KAZN: variants seen among roughly 807,000 people sequenced by gnomAD.
KAZN encodes kazrin.
Under a neutral mutation model 87.4 loss-of-function variants are expected in KAZN, and 40 were observed. The observed-to-expected ratio is 0.46, with a 90% CI of 0.36 to 0.60. The LOEUF (loss-of-function observed/expected upper bound fraction) is 0.60. Among genes scored for constraint, KAZN ranks in the 20% least tolerant of loss-of-function variants. The pLI is 0.00. For synonymous variants in KAZN, 466 were observed against 458.3 expected (o/e 1.02, Z -0.22); for missense variants, 898 against 1,073.9 (o/e 0.84, Z 2.29).
chr1:14,583,123 T>C (rs1368504000), intron 2 of KAZN, among the ~76,000 whole-genome samples: 9 of 152,216 alleles, frequency 5.9e-5, no homozygotes, highest in Admixed American at 5.9e-4. Context: ...TTATTGTCAT[T>C]CCGCAGATGA....
In KAZN at chr1:15,099,050, A is replaced by G. The variant is rs896976760; in HGVS notation, c.1548-2493A>G. 7.2e-5 allele frequency among the ~76,000 whole-genome samples: 11 copies of G among 152,184 alleles called. No individual in the cohort carries two copies. The highest frequency in any genetic ancestry group is 2.4e-4 in the African/African-American group (10 of 41,456). ...AGAAGGGCTCCTGACCCAGCATGAC[A>G]TCTTGGAAGGCTTCCGGGAGACCAG... On this transcript the variant is annotated intron_variant, in intron 10 of 14. Coordinates refer to ENST00000376030, the MANE Select transcript of KAZN (RefSeq NM_201628.3). This position sits in a 1 kb window ranked among gnomAD's most constrained non-coding sequence, Gnocchi z 5.4.
chr1:14,117,263 G>A (rs1644644338), intron 1 of KAZN, among the ~76,000 whole-genome samples: 1 of 152,146 alleles, frequency 6.6e-6, no homozygotes, highest in South Asian at 2.1e-4. Flanking sequence ...CTCATGTATT[G>A]TGGGAAGGAT....
chr1:14,661,615 C>T (rs1215056611), intron 1 of KAZN, among the ~76,000 whole-genome samples: 1 of 145,344 alleles, frequency 6.9e-6, no homozygotes, highest in Non-Finnish European at 1.5e-5. Context: ...AGTTTCTGGC[C>T]AGGCTCTAGC....
intron 1 of KAZN, among the ~76,000 whole-genome samples, chr1:14,902,389 C>A (rs1656030547): frequency 6.6e-6 from 1 of 152,066 alleles, no homozygotes; most frequent in Admixed American, 6.6e-5. Context: ...CCACACCCGG[C>A]TAATTTTTTT....
At chr1:14,937,533 G>A (rs1248799765) in intron 1 of KAZN, among the ~76,000 whole-genome samples, 1 of 152,200 alleles carries the variant, frequency 6.6e-6, no homozygotes, top group Admixed American at 6.5e-5. Flanking sequence ...AGGTCAGCTT[G>A]TAGGAGGACC....
At position 14,601,325 on chromosome 1, in the gene KAZN, G is replaced by A. The variant is rs140049084; in HGVS notation, c.226+2102G>A. ...GTCTAAACTGATATGCATTTCAACA[G>A]ATGTGATGGTTGAAAAGAAAACAAG... On this transcript the variant is annotated intron_variant, in intron 1 of 14. Coordinates refer to ENST00000376030, the MANE Select transcript of KAZN (RefSeq NM_201628.3). 3.6e-3 allele frequency among the ~76,000 whole-genome samples: 546 copies of A among 152,308 alleles called. 3 individuals carry two copies. The highest frequency in any genetic ancestry group is 0.012 in the African/African-American group (501 of 41,570).
intron 1 of KAZN, among the ~76,000 whole-genome samples, chr1:14,156,780 T>C (rs1645602401): frequency 1.3e-5 from 2 of 152,186 alleles, no homozygotes; most frequent in Admixed American, 1.3e-4. Flanking sequence ...TCTTGTTTTT[T>C]AGGCCATTCA....
chr1:14,532,026 T>C (rs1672232959), intron 2 of KAZN, among the ~76,000 whole-genome samples: 1 of 152,138 alleles, frequency 6.6e-6, no homozygotes, highest in Non-Finnish European at 1.5e-5. Context: ...CACGTGCTCT[T>C]TTTTCATAGA....
rs16853792 is a variant in KAZN, at chr1:14,208,386, A to G, written c.249+27794A>G. The stretch of plus-strand genomic sequence containing the variant: ...CAAGGTAGTTTGCACAATGCTAAAT[A>G]TTAACTCTCATTCATTGACTCATTC... On this transcript the variant is annotated intron_variant, in intron 2 of 16. Transcript: ENST00000636203. Among the ~76,000 whole-genome samples the G allele has an allele frequency of 9.8e-3, 1,499 of 152,354 alleles. 24 individuals carry two copies. Among genetic ancestry groups the G allele is most frequent in the African/African-American group, 0.034 (1,408 of 41,586 alleles).
At chr1:14,589,405 C>T (rs985637707) in intron 2 of KAZN, among the ~76,000 whole-genome samples, 11 of 151,798 alleles carry the variant, frequency 7.2e-5, no homozygotes, top group African/African-American at 2.7e-4. Context: ...TGGCTATAGA[C>T]ACAGCATCCT....
chr1:14,164,514 T>C (rs2884843), intron 1 of KAZN, among the ~76,000 whole-genome samples: 54,343 of 142,902 alleles, frequency 0.38, 10,649 homozygotes, highest in South Asian at 0.41. Context: ...GATACTCCAT[T>C]TCTGCAATGT....
intron 2 of KAZN, among the ~76,000 whole-genome samples, chr1:14,210,701 GTTTA>G (rs972392816): frequency 4.6e-5 from 7 of 151,912 alleles, no homozygotes; most frequent in Non-Finnish European, 7.4e-5. Context: ...TTTTTGAAAT[GTTTA>G]TTTATTTTAA....
rs1306156708 is a variant in KAZN, at chr1:15,111,332, G to A, written c.2049-1095G>A. On this transcript the variant is annotated intron_variant, in intron 13 of 14. Coordinates refer to ENST00000376030, the MANE Select transcript of KAZN (RefSeq NM_201628.3). ...GTCTTGTGCTGGAGTGCAGTGGTAC[G>A]ATCTCGGCTCACTGCAACCTCCACC... 3.3e-5 allele frequency among the ~76,000 whole-genome samples: 5 copies of A among 151,588 alleles called. No individual in the cohort carries two copies. The East Asian group carries it at 5.8e-4, about 18-fold the overall frequency.
chr1:14,778,209 C>T (rs1645233896), intron 1 of KAZN, among the ~76,000 whole-genome samples: 1 of 152,064 alleles, frequency 6.6e-6, no homozygotes, highest in African/African-American at 2.4e-5. Flanking sequence ...AGGCTGTCTC[C>T]ATCAAAAGTG....
At position 15,066,155 on chromosome 1, in the gene KAZN, G is replaced by GT; in HGVS notation, c.1222+409dup. ...GGTTCGTCGGTTTGTTTTTGTTTTTGTTTTTTTCCCCCTTTCTCCTCCCCT... is the reference window on the plus strand; with the variant it reads ...GGTTCGTCGGTTTGTTTTTGTTTTTGTTTTTTTTCCCCCTTTCTCCTCCCCT... On this transcript the variant is annotated intron_variant, in intron 8 of 14. Coordinates refer to ENST00000376030, the MANE Select transcript of KAZN (RefSeq NM_201628.3). The surrounding 1 kb of genome is among the most constrained non-coding windows in gnomAD (Gnocchi z 4.3). 1 of 1,032,302 alleles carries GT rather than the reference G, an allele frequency of 9.7e-7. No homozygotes were observed. 63.9% of individuals were successfully genotyped at this position (1,032,302 alleles called of 1,614,324 possible). A position where few individuals can be genotyped will look rare whatever the true frequency, so the allele number is the denominator to read the frequency against.
intron 1 of KAZN, among the ~76,000 whole-genome samples, chr1:14,109,113 A>G (rs912657968): frequency 8.5e-5 from 13 of 152,184 alleles, no homozygotes; most frequent in Admixed American, 7.9e-4. Flanking sequence ...ACACCGCATG[A>G]CAGAGAGGTA....
chr1:14,851,624 C>T (rs1649454824), intron 1 of KAZN, among the ~76,000 whole-genome samples: 1 of 152,204 alleles, frequency 6.6e-6, no homozygotes, highest in Non-Finnish European at 1.5e-5. Flanking sequence ...TCGGGGTTAC[C>T]ATGCTGGGGC....
chr1:14,395,384 G>C (rs745330029), intron 2 of KAZN, among the ~76,000 whole-genome samples: 1 of 152,134 alleles, frequency 6.6e-6, no homozygotes, highest in Admixed American at 6.5e-5. Context: ...CTGGTAGGAA[G>C]AGATGGATTT....
intron 1 of KAZN, among the ~76,000 whole-genome samples, chr1:14,073,328 T>C (rs1032738085): frequency 1.3e-5 from 2 of 152,196 alleles, no homozygotes; most frequent in Admixed American, 6.5e-5. Flanking sequence ...CAGGGAGCTA[T>C]GTGGAATTGG....
Sources: allele counts gnomAD v4.1 joint callset (sites outside exome capture counted in the v4.1 genomes callset), GRCh38; gene constraint gnomAD v4.1.1; non-coding constraint Gnocchi (gnomAD v3.1); transcripts MANE v1.5; gene names NCBI Gene and HGNC (gene_info 2026-07-23, HGNC 2026-07-21).